The following ST7 variants were observed in gnomAD, a reference collection of about 807,000 sequenced individuals.
ST7 encodes suppressor of tumorigenicity 7 protein.
In ST7, 28 loss-of-function variants were observed where a neutral mutation model predicts 78.7. The ratio of observed to expected loss-of-function variants is 0.36; its 90% CI spans 0.26 to 0.49. The LOEUF (loss-of-function observed/expected upper bound fraction) is 0.49. Ranked by LOEUF, ST7 falls within the 20% of genes least tolerant of loss-of-function variation. ST7 has a pLI of 0.99. For missense variants in ST7, 418 were observed against 696.0 expected (o/e 0.60, Z 4.49); for synonymous variants, 247 against 249.6 (o/e 0.99, Z 0.10).
intron 1 of ST7, among the ~76,000 whole-genome samples, chr7:116,980,363 C>G (rs1793904255): frequency 1.3e-5 from 2 of 152,178 alleles, no homozygotes; most frequent in Admixed American, 6.6e-5. Flanking sequence ...CCGAACACTT[C>G]CTAATATCCC....
chr7:117,033,890 G>T (rs1255413339), intron 1 of ST7, among the ~76,000 whole-genome samples: 1 of 152,072 alleles, frequency 6.6e-6, no homozygotes, highest in Non-Finnish European at 1.5e-5. Flanking sequence ...TGTAAAGTAG[G>T]CTTATACTGT....
chr7:117,140,823 A>G (rs758761763), intron 9 of ST7, among the ~76,000 whole-genome samples: 33 of 152,168 alleles, frequency 2.2e-4, no homozygotes, highest in Non-Finnish European at 4.3e-4. Context: ...TGTAAGGAAC[A>G]CTCTCAGACA....
chr7:117,011,460 G>C (rs1217168018), intron 1 of ST7, among the ~76,000 whole-genome samples: 1 of 152,188 alleles, frequency 6.6e-6, no homozygotes, highest in Non-Finnish European at 1.5e-5. Flanking sequence ...AGTTGGACTA[G>C]ATCTTAGGGA....
chr7:116,990,851 T>C (rs920181813), intron 1 of ST7, among the ~76,000 whole-genome samples: 1 of 152,208 alleles, frequency 6.6e-6, no homozygotes, highest in African/African-American at 2.4e-5. Flanking sequence ...GAATGGAAAA[T>C]TTAAAAAGTA....
intron 1 of ST7, among the ~76,000 whole-genome samples, chr7:117,051,006 AT>A (rs1250589128): frequency 6.6e-6 from 1 of 151,972 alleles, no homozygotes; most frequent in African/African-American, 2.4e-5. Flanking sequence ...AAATCTCCAA[AT>A]TTTTTTTCCA....
chr7:117,117,180 C>T (rs1361991851), intron 2 of ST7, among the ~76,000 whole-genome samples: 1 of 152,156 alleles, frequency 6.6e-6, no homozygotes, highest in Non-Finnish European at 1.5e-5. Flanking sequence ...TGTAAGTGGA[C>T]TCTACATAGT....
intron 9 of ST7, 88 bp from the exon 10 acceptor site, chr7:117,170,774 T>C (rs1807931110): frequency 2.1e-6 from 1 of 469,388 alleles, no homozygotes; most frequent in Non-Finnish European, 3.4e-6. Context: ...CCGTGATATA[T>C]ACAATAAATA....
At chr7:117,162,182 A>G (rs1355006732) in intron 9 of ST7, among the ~76,000 whole-genome samples, 1 of 152,130 alleles carries the variant, frequency 6.6e-6, no homozygotes, top group African/African-American at 2.4e-5. Flanking sequence ...TTGTGAGAAT[A>G]AAAAATTACT....
intron 1 of ST7, chr7:117,073,693 G>C (rs1235669311): frequency 6.6e-6 from 1 of 152,182 alleles, no homozygotes; most frequent in Non-Finnish European, 1.5e-5. Flanking sequence ...GGGGACAGTA[G>C]TAGTACATAC....
chr7:116,997,386 G>A (rs1328542640), intron 1 of ST7, among the ~76,000 whole-genome samples: 1 of 152,180 alleles, frequency 6.6e-6, no homozygotes, highest in African/African-American at 2.4e-5. Context: ...TTTACAGGGA[G>A]CTGATTGGTC....
chr7:116,967,601 A>G (rs1419422908), intron 1 of ST7: 2 of 350,474 alleles, frequency 5.7e-6, no homozygotes, highest in Non-Finnish European at 1.1e-5. Context: ...CAAAAAGGTC[A>G]ACAGTCATTT....
chr7:116,961,965 G>A (rs1052670678), intron 1 of ST7, among the ~76,000 whole-genome samples: 1 of 151,442 alleles, frequency 6.6e-6, no homozygotes, highest in African/African-American at 2.4e-5. Flanking sequence ...GCCCTGGTGT[G>A]TGGTGTTCCT....
intron 1 of ST7, among the ~76,000 whole-genome samples, chr7:116,989,700 A>T (rs990073863): frequency 6.6e-6 from 1 of 151,676 alleles, no homozygotes; most frequent in African/African-American, 2.4e-5. Context: ...TTAGCTGGGC[A>T]TGGTGACATG....
chr7:116,961,355 T>C (rs1792812067), intron 1 of ST7, among the ~76,000 whole-genome samples: 1 of 152,204 alleles, frequency 6.6e-6, no homozygotes, highest in Admixed American at 6.5e-5. Context: ...CTGTGATGAA[T>C]GTCAGTGGTA....
intron 13 of ST7, among the ~76,000 whole-genome samples, chr7:117,216,350 T>C (rs1249608506): frequency 2.0e-5 from 3 of 152,096 alleles, no homozygotes; most frequent in African/African-American, 7.2e-5. Context: ...GTGGCCTAAC[T>C]TTTTTGTTTT....
chr7:117,219,222 T>C lies in ST7; in HGVS notation c.1498+46T>C. 1 of 1,509,428 alleles carries C rather than the reference T, an allele frequency of 6.6e-7. No homozygotes were observed. The allele number at this position is 1,509,428 out of a possible 1,614,324, so 93.5% of individuals were successfully genotyped here. A position where few individuals can be genotyped will look rare whatever the true frequency, so the allele number is the denominator to read the frequency against. ...GCCAGTGAGGGTGTGTGGTGAAAGG[T>C]GGGGATTGGAAGAGGTGGGAATATC... On this transcript the variant is annotated intron_variant, in intron 14 of 15. Coordinates refer to ENST00000323984, the MANE Select transcript of ST7 (RefSeq NM_001369598.1). This position sits in a 1 kb window ranked among gnomAD's most constrained non-coding sequence, Gnocchi z 5.1.
At chr7:117,077,618 G>A (rs1414612494) in intron 1 of ST7, among the ~76,000 whole-genome samples, 24 of 152,126 alleles carry the variant, frequency 1.6e-4, no homozygotes, top group Admixed American at 1.6e-3. Context: ...TTAAATAGGT[G>A]TTATAATGCA....
chr7:116,958,035 G>A (rs1429512314), intron 1 of ST7, among the ~76,000 whole-genome samples: 1 of 152,168 alleles, frequency 6.6e-6, no homozygotes, highest in Non-Finnish European at 1.5e-5. Flanking sequence ...CACCCAGGCT[G>A]GAGTGCAGTG....
intron 1 of ST7, among the ~76,000 whole-genome samples, chr7:117,099,105 C>T (rs1424783937): frequency 9.8e-6 from 1 of 102,284 alleles, no homozygotes; most frequent in Non-Finnish European, 1.9e-5. Flanking sequence ...TGGCAGTGAA[C>T]ATTCATTTTT....
Sources: allele counts gnomAD v4.1 joint callset (sites outside exome capture counted in the v4.1 genomes callset), GRCh38; gene constraint gnomAD v4.1.1; non-coding constraint Gnocchi (gnomAD v3.1); transcripts MANE v1.5; gene names NCBI Gene and HGNC (gene_info 2026-07-23, HGNC 2026-07-21).